ADAMTS17: variants seen among roughly 807,000 people sequenced by gnomAD.
The protein encoded by ADAMTS17 is ADAM metallopeptidase with thrombospondin type 1 motif 17.
In ADAMTS17, 113 loss-of-function variants were observed where a neutral mutation model predicts 141.5. That is an observed-to-expected ratio of 0.80 (90% CI 0.69 to 0.93). The LOEUF (loss-of-function observed/expected upper bound fraction) is 0.93. Ranked by LOEUF, ADAMTS17 falls within the 40% of genes least tolerant of loss-of-function variation. The pLI is 0.00. For synonymous variants in ADAMTS17, 768 were observed against 630.6 expected (o/e 1.22, Z -3.27); for missense variants, 1,659 against 1,517.9 (o/e 1.09, Z -1.54).
intron 7 of ADAMTS17, among the ~76,000 whole-genome samples, chr15:100,245,786 G>A (rs1273342274): frequency 6.6e-6 from 1 of 152,184 alleles, no homozygotes; most frequent in Non-Finnish European, 1.5e-5. Context: ...AGATTTTGTA[G>A]GCATAGATGG....
chr15:100,150,637 G>A (rs1339252951), intron 10 of ADAMTS17, among the ~76,000 whole-genome samples: 1 of 152,114 alleles, frequency 6.6e-6, no homozygotes, highest in African/African-American at 2.4e-5. Context: ...AGGGAAAATA[G>A]CTCCGGCTCT....
At chr15:100,058,448 T>A (rs577331909) in intron 15 of ADAMTS17, among the ~76,000 whole-genome samples, 2 of 151,928 alleles carry the variant, frequency 1.3e-5, no homozygotes, top group South Asian at 4.2e-4. Flanking sequence ...GCCCTTTTTT[T>A]AAAGATGTTT....
intron 3 of ADAMTS17, among the ~76,000 whole-genome samples, chr15:100,326,446 C>A (rs180788862): frequency 1.4e-3 from 214 of 152,312 alleles, no homozygotes; most frequent in Admixed American, 2.5e-3. Context: ...GAGCAAAGAT[C>A]AGCTACAGTT....
At chr15:100,322,405 T>A (rs917152519) in intron 3 of ADAMTS17, among the ~76,000 whole-genome samples, 4 of 152,216 alleles carry the variant, frequency 2.6e-5, no homozygotes, top group Admixed American at 6.5e-5. Flanking sequence ...AACTGAGATT[T>A]GAGTTGCCAC....
At chr15:100,239,358 G>A (rs189781794) in intron 7 of ADAMTS17, among the ~76,000 whole-genome samples, 138 of 152,340 alleles carry the variant, frequency 9.1e-4, no homozygotes, top group African/African-American at 2.7e-3. Context: ...GATGAGGAGC[G>A]GCGCTGGTTG....
At chr15:100,281,117 C>T (rs2044265054) in intron 4 of ADAMTS17, 112 bp downstream of exon 4, 2 of 1,461,122 alleles carry the variant, frequency 1.4e-6, no homozygotes, top group Non-Finnish European at 1.9e-6. Flanking sequence ...TCCCGTATCC[C>T]CAACCCAGCG....
At chr15:100,270,244 C>A (rs146764517) in intron 4 of ADAMTS17, among the ~76,000 whole-genome samples, 1 of 152,126 alleles carries the variant, frequency 6.6e-6, no homozygotes, top group Non-Finnish European at 1.5e-5. Context: ...CATTTGTAGC[C>A]GCCAGGCATT....
chr15:100,156,292 G>A (rs924993203), intron 8 of ADAMTS17, among the ~76,000 whole-genome samples: 7 of 152,170 alleles, frequency 4.6e-5, no homozygotes, highest in African/African-American at 1.7e-4. Context: ...AACCCTGCTT[G>A]TTGCCTAATG....
At chr15:100,035,315 C>T (rs116111162) in intron 18 of ADAMTS17, among the ~76,000 whole-genome samples, 2,713 of 152,266 alleles carry the variant, frequency 0.018, 79 homozygotes, top group African/African-American at 0.059. Context: ...AGATGTAAAA[C>T]GTGATCATAA....
At chr15:100,247,849 G>T (rs185829179) in intron 7 of ADAMTS17, among the ~76,000 whole-genome samples, 41 of 151,744 alleles carry the variant, frequency 2.7e-4, no homozygotes, top group Admixed American at 2.3e-3. Flanking sequence ...CCGATGCTTT[G>T]TTCCCAAACA....
chr15:100,111,516 T>A (rs1434380610), intron 13 of ADAMTS17, among the ~76,000 whole-genome samples: 1 of 152,224 alleles, frequency 6.6e-6, no homozygotes. Context: ...TCCCCAAGCA[T>A]CTTGTGGAGC....
At chr15:100,230,392 G>A (rs2042442012) in intron 7 of ADAMTS17, among the ~76,000 whole-genome samples, 2 of 152,312 alleles carry the variant, frequency 1.3e-5, no homozygotes, top group Middle Eastern at 3.4e-3. Context: ...ATGCTGGCTG[G>A]TACAGAGTTG....
At chr15:100,280,018 C>G (rs1397366923) in intron 4 of ADAMTS17, among the ~76,000 whole-genome samples, 2 of 152,150 alleles carry the variant, frequency 1.3e-5, no homozygotes, top group Admixed American at 6.5e-5. Flanking sequence ...GCTCCATGGG[C>G]TGTCTTTGGA....
At position 100,221,502 on chromosome 15, in the gene ADAMTS17, A is replaced by G. The variant is rs964454143; in HGVS notation, c.1076-22079T>C. Among the ~76,000 whole-genome samples, 8 of 152,320 alleles carry G rather than the reference A, an allele frequency of 5.3e-5. No individual in the cohort carries two copies. In the East Asian group the frequency reaches 5.8e-4, roughly 11 times the overall value. ...TGGGAAATTTTATGCTATAATACCTATTGTTCTTTTGGAGTAACAAACTCT... is the reference window on the plus strand; with the variant it reads ...TGGGAAATTTTATGCTATAATACCTGTTGTTCTTTTGGAGTAACAAACTCT... On this transcript the variant is annotated intron_variant, in intron 7 of 21. Transcript: ENST00000268070.
At chr15:100,259,738 T>C (rs1226343157) in intron 6 of ADAMTS17, among the ~76,000 whole-genome samples, 1 of 152,234 alleles carries the variant, frequency 6.6e-6, no homozygotes, top group Non-Finnish European at 1.5e-5. Context: ...CACTGTGAAA[T>C]GTGTAACAAA....
chr15:100,077,454 T>C (rs2034458047), intron 15 of ADAMTS17, among the ~76,000 whole-genome samples: 1 of 55,478 alleles, frequency 1.8e-5, no homozygotes, highest in Non-Finnish European at 3.5e-5. Flanking sequence ...AGAGTGAGAC[T>C]CCCTCTCAAA....
Position 100,254,104 on chromosome 15 carries a change from C to A in ADAMTS17, c.1075+32G>T, listed in dbSNP as rs1195981055. On this transcript the variant is annotated intron_variant, in intron 7 of 21. Transcript: ENST00000268070. ...CCAGATTCTCCCAGGGTGTATCAGC[C>A]CCTTAGATTATTATTTCAACTCTAA... 7.5e-6 allele frequency: 12 copies of A among 1,603,782 alleles called. No individual in the cohort carries two copies. The South Asian group carries it at 1.3e-4, about 18-fold the overall frequency.
intron 10 of ADAMTS17, among the ~76,000 whole-genome samples, chr15:100,136,022 A>G (rs2038312771): frequency 6.6e-6 from 1 of 152,192 alleles, no homozygotes; most frequent in South Asian, 2.1e-4. Flanking sequence ...CTTTGGCAGT[A>G]TTTGCTAAAG....
At position 100,140,484 on chromosome 15, in the gene ADAMTS17, C is replaced by CATATATATATATATATATATATATATAT. The variant is rs1164353969; in HGVS notation, c.1474-7170_1474-7169insATATATATATATATATATATATATATAT. Among the ~76,000 whole-genome samples the CATATATATATATATATATATATATATAT allele has an allele frequency of 2.2e-3, 89 of 40,796 alleles. 1 individual carries two copies. Among genetic ancestry groups the CATATATATATATATATATATATATATAT allele is most frequent in the Non-Finnish European group, 3.7e-3 (53 of 14,204 alleles). 26.8% of individuals were successfully genotyped at this position (40,796 alleles called of 152,430 possible). ...ACACACACACAGACACACACACATA[C>CATATATATATATATATATATATATATAT]ATACATATATATATATATATATATC... On this transcript the variant is annotated intron_variant, in intron 10 of 21. Coordinates refer to ENST00000268070, the MANE Select transcript of ADAMTS17 (RefSeq NM_139057.4).
Sources: allele counts gnomAD v4.1 joint callset (sites outside exome capture counted in the v4.1 genomes callset), GRCh38; gene constraint gnomAD v4.1.1; transcripts MANE v1.5; gene names NCBI Gene and HGNC (gene_info 2026-07-23, HGNC 2026-07-21).